Variants in DNAH17 observed in about 807,000 individuals in gnomAD.
The protein encoded by DNAH17 is axonemal beta dynein heavy chain 17.
DNAH17 carries 376 observed loss-of-function variants against 485.6 expected under a neutral mutation model. The ratio of observed to expected loss-of-function variants is 0.77; its 90% CI spans 0.71 to 0.84. The LOEUF is 0.84. Among genes scored for constraint, DNAH17 ranks in the 40% least tolerant of loss-of-function variants. The pLI is 0.00. For missense variants in DNAH17, 6,370 were observed against 5,839.3 expected (o/e 1.09, Z -2.96); for synonymous variants, 3,031 against 2,405.9 (o/e 1.26, Z -7.60).
rs771280933 is a variant in DNAH17, at chr17:78,501,324, G to A, written c.5343C>T (p.Phe1781=). ...GATGCCGGAGCTGGGCCTGCCAGGT[G>A]AAGGCCTGAGAACTCTCCACCTGCA... is the stretch of plus-strand genomic sequence containing the variant. The part of the protein sequence containing the change: ...IVAKVESSQA[F]TWQAQLRHRW... The change falls in exon 35 of 81, where the codon TTC becomes TTT. Residue 1781 remains phenylalanine (F), a synonymous_variant. Transcript: ENST00000389840. The A allele has an allele frequency of 1.1e-5, 18 of 1,599,500 alleles. No homozygotes were observed. In the East Asian group the frequency reaches 2.5e-4, roughly 22 times the overall value.
Position 78,425,514 on chromosome 17 carries a change from A to C in DNAH17, c.12973T>G (p.Phe4325Val). ...GTGAGGAACGACTGGGGGTTGAAGAAGCCGGCCAGCCACACGGTGGTGGGC... is the reference window on the plus strand; with the variant it reads ...GTGAGGAACGACTGGGGGTTGAAGACGCCGGCCAGCCACACGGTGGTGGGC... ...ALPTTVWLAG[F>V]FNPQSFLTAI... is the part of the protein sequence containing the mutation. Residue 4325 changes from phenylalanine to valine, a missense_variant, in exon 80 of 81, where the codon TTC (phenylalanine) becomes GTC (valine). Transcript: ENST00000389840. 1.9e-6 allele frequency: 3 copies of C among 1,613,878 alleles called. No homozygotes were observed. Among genetic ancestry groups the C allele is most frequent in the Non-Finnish European group, 2.5e-6 (3 of 1,179,912 alleles).
At chr17:78,479,725 C>T in intron 49 of DNAH17, 93 bp from the exon 50 acceptor site, 1 of 1,558,480 alleles carries the variant, frequency 6.4e-7, no homozygotes, top group Non-Finnish European at 8.6e-7. Context: ...CCCCTGTCCT[C>T]ATGTTCTAAG....
chr17:78,528,930 G>A (rs569070184), intron 22 of DNAH17, among the ~76,000 whole-genome samples: 69 of 147,778 alleles, frequency 4.7e-4, no homozygotes, highest in African/African-American at 1.6e-3. Context: ...GAGGAGACAT[G>A]GGACATAAAG....
chr17:78,505,473 T>G (rs777527949), intron 30 of DNAH17, 28 bp from the exon 31 acceptor site: 1 of 1,613,638 alleles, frequency 6.2e-7, no homozygotes, highest in East Asian at 2.2e-5. Flanking sequence ...GCGGGAATTA[T>G]GCAACGGGGG....
rs1259625151 is a variant in DNAH17 at position 78,526,650 on chromosome 17, C to T, written c.3711+1G>A. The T allele has an allele frequency of 1.3e-6, 2 of 1,598,644 alleles. No homozygotes were observed. Among genetic ancestry groups the T allele is most frequent in the Admixed American group, 3.4e-5 (2 of 58,336 alleles). On this transcript the variant is annotated splice_donor_variant, in intron 24 of 80. Coordinates refer to ENST00000389840, the MANE Select transcript of DNAH17 (RefSeq NM_173628.4). LOFTEE classifies it high-confidence loss of function. ...CTGATCTCACCCTTGAGCAAAAATA[C>T]CTTATTCAGGGACTTGTAGGGGTTG...
At chr17:78,437,995 T>G (rs919501020) in intron 73 of DNAH17, 127 bp from the exon 74 acceptor site, 1 of 668,110 alleles carries the variant, frequency 1.5e-6, no homozygotes, top group African/African-American at 1.8e-5. Flanking sequence ...ACTTGCCTGG[T>G]GCTGGCACTG....
chr17:78,519,778 T>C (rs758435617), intron 25 of DNAH17, among the ~76,000 whole-genome samples: 4 of 152,178 alleles, frequency 2.6e-5, no homozygotes, highest in Non-Finnish European at 5.9e-5. Context: ...TGAACAAGCC[T>C]GTATGGCCAT....
chr17:78,551,751 C>T (rs554212117), intron 15 of DNAH17, 113 bp from the exon 16 acceptor site: 73 of 977,756 alleles, frequency 7.5e-5, no homozygotes, highest in South Asian at 5.7e-4. Context: ...ATCACGAGGT[C>T]GGGAGTTCGA....
At chr17:78,528,844 C>T (rs1348849047) in intron 22 of DNAH17, among the ~76,000 whole-genome samples, 1 of 152,128 alleles carries the variant, frequency 6.6e-6, no homozygotes, top group Non-Finnish European at 1.5e-5. Flanking sequence ...TAATCCCTCC[C>T]CAGGGTCCCC....
At chr17:78,568,304 A>G (rs1057052817) in intron 9 of DNAH17, among the ~76,000 whole-genome samples, 6 of 151,966 alleles carry the variant, frequency 3.9e-5, no homozygotes, top group African/African-American at 1.5e-4. Flanking sequence ...TGTGACTGCA[A>G]TTTTGAACTC....
In DNAH17 at chr17:78,475,481, G is replaced by C. The variant is rs117103707; in HGVS notation, c.8320-12C>G. On this transcript the variant is annotated splice_polypyrimidine_tract_variant and intron_variant, in intron 53 of 80. Transcript: ENST00000389840. ...TCCTCAAACAGCACCTGCAGAAACCGGAGAGATCCCACAACATCTTGTAGC... is the reference window on the plus strand; with the variant it reads ...TCCTCAAACAGCACCTGCAGAAACCCGAGAGATCCCACAACATCTTGTAGC... 2 of 1,613,426 alleles carry C rather than the reference G, an allele frequency of 1.2e-6. No homozygotes were observed. Among genetic ancestry groups the C allele is most frequent in the Admixed American group, 3.3e-5 (2 of 59,964 alleles).
At chr17:78,553,083 G>A (rs1175507541) in intron 14 of DNAH17, among the ~76,000 whole-genome samples, 1 of 151,896 alleles carries the variant, frequency 6.6e-6, no homozygotes, top group Admixed American at 6.6e-5. Flanking sequence ...TTTTAAACAG[G>A]TGTAGCACCT....
chr17:78,431,220 C>T (rs1340879362), intron 75 of DNAH17, among the ~76,000 whole-genome samples: 2 of 152,190 alleles, frequency 1.3e-5, no homozygotes, highest in African/African-American at 4.8e-5. Context: ...ATGTTTTCCA[C>T]ATTATCATTA....
intron 69 of DNAH17, among the ~76,000 whole-genome samples, chr17:78,446,173 C>CAAAAAAA (rs1157464118): frequency 0.055 from 3,138 of 57,236 alleles, 520 homozygotes; most frequent in South Asian, 0.082. Context: ...GACTCTGTCT[C>CAAAAAAA]AAAAAAAAAA....
At chr17:78,478,229 C>CCATCATCACCACCAT (rs1555667819) in intron 51 of DNAH17, among the ~76,000 whole-genome samples, 2 of 67,712 alleles carry the variant, frequency 3.0e-5, no homozygotes, top group South Asian at 4.4e-4. Context: ...CACCACATCA[C>CCATCATCACCACCAT]CATCACCACC....
chr17:78,544,533 T>C (rs2091698556), intron 16 of DNAH17, among the ~76,000 whole-genome samples: 1 of 152,132 alleles, frequency 6.6e-6, no homozygotes, highest in African/African-American at 2.4e-5. Context: ...CCGGGCGCGG[T>C]GGCCCATGCC....
chr17:78,442,153 G>A (rs967884162), intron 71 of DNAH17, among the ~76,000 whole-genome samples: 6 of 152,196 alleles, frequency 3.9e-5, no homozygotes, highest in Admixed American at 6.5e-5. Flanking sequence ...GCCGCATCCC[G>A]AAGGGTGAGA....
chr17:78,542,104 C>T (rs4969211), intron 17 of DNAH17, among the ~76,000 whole-genome samples: 113,700 of 148,572 alleles, frequency 0.77, 43,544 homozygotes, highest in African/African-American at 0.79. Context: ...ATTTGCACCA[C>T]CCACTGGAAA....
chr17:78,438,705 G>C (rs1400995082), intron 73 of DNAH17, among the ~76,000 whole-genome samples: 1 of 151,786 alleles, frequency 6.6e-6, no homozygotes, highest in Admixed American at 6.6e-5. Context: ...CGCCATGTTG[G>C]TCAGGCTGGT....
Sources: gnomAD v4.1 joint callset for allele counts (sites outside exome capture counted in the v4.1 genomes callset) on GRCh38, gnomAD v4.1.1 for gene constraint, MANE v1.5 for transcripts, NCBI Gene and HGNC (gene_info 2026-07-23, HGNC 2026-07-21) for gene names.